Variants in PTPRM observed in about 807,000 individuals in gnomAD.
The protein encoded by PTPRM is protein tyrosine phosphatase receptor type M, also known as receptor-type tyrosine-protein phosphatase mu.
Under a neutral mutation model 186.7 loss-of-function variants are expected in PTPRM, and 47 were observed. The ratio of observed to expected loss-of-function variants is 0.25; its 90% CI spans 0.20 to 0.32. The LOEUF is 0.32. Ranked by LOEUF, PTPRM falls within the 10% of genes least tolerant of loss-of-function variation. The pLI is 1.00. For synonymous variants in PTPRM, 668 were observed against 674.9 expected (o/e 0.99, Z 0.16); for missense variants, 1,494 against 1,865.0 (o/e 0.80, Z 3.66).
chr18:8,390,714 A>G (rs1301895097), intron 31 of PTPRM, among the ~76,000 whole-genome samples: 72 of 152,062 alleles, frequency 4.7e-4, no homozygotes, highest in Non-Finnish European at 9.3e-4. Context: ...GGATCACGAG[A>G]TCAGGAGATC....
intron 20 of PTPRM, among the ~76,000 whole-genome samples, chr18:8,299,186 A>G (rs1031416939): frequency 3.3e-5 from 5 of 152,180 alleles, no homozygotes; most frequent in African/African-American, 1.2e-4. Context: ...TGCTTGTCAC[A>G]GGAACACTGA....
In PTPRM at chr18:7,568,253, C is replaced by T. The variant is rs1342411627; in HGVS notation, c.73+362C>T. 6.6e-6 allele frequency among the ~76,000 whole-genome samples: 1 copy of T among 151,832 alleles called. No individual in the cohort carries two copies. The highest frequency in any genetic ancestry group is 2.4e-5 in the African/African-American group (1 of 41,406). ...CAGCAGAAAACTTTGCTTGAAGTTC[C>T]CAGTTGCAGCCGCCGGGCCGCCTGG... On this transcript the variant is annotated intron_variant, in intron 1 of 32. Transcript: ENST00000580170. The surrounding 1 kb of genome is among the most constrained non-coding windows in gnomAD (Gnocchi z 5.1).
chr18:8,116,809 G>T (rs1041574242), intron 13 of PTPRM, among the ~76,000 whole-genome samples: 1 of 152,100 alleles, frequency 6.6e-6, no homozygotes, highest in South Asian at 2.1e-4. Context: ...TTCACCAAAG[G>T]ATGATTAAGC....
At chr18:8,317,024 TG>T (rs2095313279) in intron 21 of PTPRM, among the ~76,000 whole-genome samples, 1 of 152,134 alleles carries the variant, frequency 6.6e-6, no homozygotes, top group Non-Finnish European at 1.5e-5. Context: ...GGAGAGGTCA[TG>T]GGCCAGGTCA....
At chr18:8,086,374 C>CT (rs1471324130) in intron 10 of PTPRM, among the ~76,000 whole-genome samples, 4 of 152,118 alleles carry the variant, frequency 2.6e-5, no homozygotes, top group African/African-American at 9.7e-5. Context: ...CTTTTAGAGA[C>CT]TTAATTATGC....
intron 7 of PTPRM, among the ~76,000 whole-genome samples, chr18:8,035,147 A>C (rs1296648881): frequency 1.3e-5 from 2 of 152,168 alleles, no homozygotes; most frequent in African/African-American, 4.8e-5. Flanking sequence ...CAAACTATCA[A>C]ATGCTGATGT....
intron 2 of PTPRM, among the ~76,000 whole-genome samples, chr18:7,885,569 A>G (rs1198979749): frequency 6.6e-6 from 1 of 152,174 alleles, no homozygotes; most frequent in Non-Finnish European, 1.5e-5. Flanking sequence ...TGTAATAGGG[A>G]TGTCACTCCC....
At position 8,020,851 on chromosome 18, in the gene PTPRM, C is replaced by T. The variant is rs545169886; in HGVS notation, c.1133-48835C>T. On this transcript the variant is annotated intron_variant, in intron 7 of 32. Coordinates refer to ENST00000580170, the MANE Select transcript of PTPRM (RefSeq NM_001105244.2). ...CTGTGCAGCAGAGGCAAGCACAGAACCTGAACGTGCTCAGTGAGGTACTGT... is the reference window on the plus strand; with the variant it reads ...CTGTGCAGCAGAGGCAAGCACAGAATCTGAACGTGCTCAGTGAGGTACTGT... Among the ~76,000 whole-genome samples the T allele has an allele frequency of 5.9e-5, 9 of 152,242 alleles. No individual in the cohort carries two copies. In the South Asian group the frequency reaches 1.0e-3, roughly 18 times the overall value.
intron 1 of PTPRM, among the ~76,000 whole-genome samples, chr18:7,705,109 T>C (rs1043629796): frequency 1.1e-4 from 16 of 152,258 alleles, no homozygotes; most frequent in Non-Finnish European, 2.2e-4. Flanking sequence ...TTTAATAGAA[T>C]TACTGTACAT....
chr18:8,323,635 A>G (rs1377468656), intron 22 of PTPRM, among the ~76,000 whole-genome samples: 1 of 152,134 alleles, frequency 6.6e-6, no homozygotes, highest in Non-Finnish European at 1.5e-5. Flanking sequence ...GGGGTTCCGA[A>G]CTTAGCCTTC....
intron 1 of PTPRM, among the ~76,000 whole-genome samples, chr18:7,760,921 C>A (rs149928745): frequency 6.6e-6 from 1 of 152,272 alleles, no homozygotes; most frequent in Non-Finnish European, 1.5e-5. Flanking sequence ...CAGGCAAGGA[C>A]AGGACTGAAA....
At chr18:8,151,296 G>A (rs963835537) in intron 14 of PTPRM, among the ~76,000 whole-genome samples, 28 of 152,054 alleles carry the variant, frequency 1.8e-4, no homozygotes, top group African/African-American at 6.8e-4. Context: ...TCTCTGACTG[G>A]GGCTGCTGCC....
chr18:8,352,961 C>T (rs2095543920), intron 23 of PTPRM, among the ~76,000 whole-genome samples: 1 of 152,190 alleles, frequency 6.6e-6, no homozygotes, highest in Non-Finnish European at 1.5e-5. Context: ...TGAGCCACCC[C>T]ACCCGGCCCG....
At chr18:8,162,588 G>A (rs762569779) in intron 14 of PTPRM, among the ~76,000 whole-genome samples, 1 of 152,134 alleles carries the variant, frequency 6.6e-6, no homozygotes, top group Non-Finnish European at 1.5e-5. Context: ...GGGACCACCC[G>A]CTACCTCCTC....
intron 7 of PTPRM, among the ~76,000 whole-genome samples, chr18:7,999,260 A>G (rs2083727123): frequency 6.6e-6 from 1 of 152,140 alleles, no homozygotes; most frequent in African/African-American, 2.4e-5. Context: ...CCTCACAGAC[A>G]TGGGGAGAAT....
chr18:8,091,076 G>A (rs941289639), intron 11 of PTPRM, among the ~76,000 whole-genome samples: 9 of 151,820 alleles, frequency 5.9e-5, no homozygotes, highest in Admixed American at 3.3e-4. Flanking sequence ...GTTGTTTTTC[G>A]GAGACTTTGG....
intron 14 of PTPRM, among the ~76,000 whole-genome samples, chr18:8,243,263 T>A (rs1277521669): frequency 6.6e-6 from 1 of 152,158 alleles, no homozygotes; most frequent in Non-Finnish European, 1.5e-5. Context: ...ATTAGAAATC[T>A]CTCTGCTTTT....
At chr18:8,260,803 T>G (rs1016385429) in intron 19 of PTPRM, among the ~76,000 whole-genome samples, 1 of 152,134 alleles carries the variant, frequency 6.6e-6, no homozygotes, top group African/African-American at 2.4e-5. Context: ...GGACAGCCCC[T>G]GGAATTTTGA....
intron 1 of PTPRM, among the ~76,000 whole-genome samples, chr18:7,767,299 A>T (rs76735825): frequency 1.3e-5 from 2 of 152,238 alleles, no homozygotes; most frequent in East Asian, 3.8e-4. Context: ...AAATATTTGT[A>T]TATCTCAGTA....
Sources: allele counts gnomAD v4.1 joint callset (sites outside exome capture counted in the v4.1 genomes callset), GRCh38; gene constraint gnomAD v4.1.1; non-coding constraint Gnocchi (gnomAD v3.1); transcripts MANE v1.5; gene names NCBI Gene and HGNC (gene_info 2026-07-23, HGNC 2026-07-21).